C2CD4B: variants seen among roughly 807,000 people sequenced by gnomAD.
C2CD4B encodes the protein C2 calcium-dependent domain-containing protein 4B.
For synonymous variants in C2CD4B, 347 were observed against 284.9 expected (o/e 1.22, Z -2.20); for missense variants, 644 against 577.7 (o/e 1.11, Z -1.18).
rs1487568536 is a variant in C2CD4B, at chr15:62,163,817, C to T, written c.*73G>A. 3.8e-5 allele frequency: 52 copies of T among 1,381,096 alleles called. No homozygotes were observed. Among genetic ancestry groups the T allele is most frequent in the Non-Finnish European group, 4.6e-5 (49 of 1,070,264 alleles). The allele number at this position is 1,381,096 out of a possible 1,614,324, so 85.6% of individuals were successfully genotyped here. A position where few individuals can be genotyped will look rare whatever the true frequency, so the allele number is the denominator to read the frequency against. On this transcript the variant is annotated 3_prime_UTR_variant, in exon 2 of 2. Transcript: ENST00000380392. ...GTATCATAAATAAAAAAATAAATAA[C>T]GTTTATTCTGTACCACGCGGCTGTC...
Position 62,164,904 on chromosome 15 carries a change from C to T in C2CD4B, c.81G>A (p.Pro27=), listed in dbSNP as rs774014654. The change falls in exon 2 of 2, where the codon CCG becomes CCA. Residue 27 remains proline, a synonymous_variant. Coordinates refer to ENST00000380392, the MANE Select transcript of C2CD4B (RefSeq NM_001007595.3). ...PKPAFAKVLT[P]NRIPEFCIPP... is the part of the protein sequence containing the mutation. ...GGATGCAGAATTCGGGGATGCGATT[C>T]GGCGTGAGCACTTTGGCGAAGGCGG... The T allele has an allele frequency of 7.2e-6, 11 of 1,532,458 alleles. No individual in the cohort carries two copies. The highest frequency in any genetic ancestry group is 2.0e-5 in the Admixed American group (1 of 49,818). 94.9% of individuals were successfully genotyped at this position (1,532,458 alleles called of 1,614,324 possible).
chr15:62,165,122 C>A (rs941877822), intron 1 of C2CD4B, 73 bp downstream of exon 1: 14 of 1,060,342 alleles, frequency 1.3e-5, no homozygotes, highest in South Asian at 3.5e-5. Flanking sequence ...ACGTCCCCCA[C>A]GTGTTTAAGA....
rs759750643 is a variant in C2CD4B at position 62,164,439 on chromosome 15, C to T, written c.546G>A (p.Gly182=). ...RRCRLLRVPD[G]LLSRALRAGR... ...CAGCCCGCAGCGCGCGACTCAGCAG[C>T]CCGTCGGGGACGCGCAGGAGGCGGC... Residue 182 remains glycine, a synonymous_variant, in exon 2 of 2, where the codon GGG becomes GGA. Transcript: ENST00000380392. 5 of 1,339,794 alleles carry T rather than the reference C, an allele frequency of 3.7e-6. No individual in the cohort carries two copies. The highest frequency in any genetic ancestry group is 6.2e-5 in the East Asian group (2 of 32,280). 83.0% of individuals were successfully genotyped at this position (1,339,794 alleles called of 1,614,324 possible). A position where few individuals can be genotyped will look rare whatever the true frequency, so the allele number is the denominator to read the frequency against.
Position 62,164,658 on chromosome 15 carries a change from C to T in C2CD4B, c.327G>A (p.Thr109=), listed in dbSNP as rs1367175468. Reference sequence around the variant, plus strand: ...CGAGCAGGAGCGACTCCTTGCGGCGCGTGTGCGGGCTCTCGAGCAGCGCGC... The same window carrying T: ...CGAGCAGGAGCGACTCCTTGCGGCGTGTGTGCGGGCTCTCGAGCAGCGCGC... The part of the protein sequence containing the change: ...GFCALLESPH[T]RRKESLLLGG... Residue 109 remains threonine (T), a synonymous_variant, in exon 2 of 2, where the codon ACG becomes ACA. Transcript: ENST00000380392. 3 of 1,430,204 alleles carry T rather than the reference C, an allele frequency of 2.1e-6. No individual in the cohort carries two copies. The highest frequency in any genetic ancestry group is 3.0e-5 in the African/African-American group (2 of 67,492). 88.6% of individuals were successfully genotyped at this position (1,430,204 alleles called of 1,614,324 possible). A position where few individuals can be genotyped will look rare whatever the true frequency, so the allele number is the denominator to read the frequency against.
In C2CD4B at chr15:62,164,137, CG is replaced by C; in HGVS notation, c.847del (p.Arg283AlafsTer99). 6.9e-7 allele frequency: 1 copy of C among 1,457,006 alleles called. No homozygotes were observed. Among genetic ancestry groups the C allele is most frequent in the Non-Finnish European group, 9.0e-7 (1 of 1,114,722 alleles). The allele number at this position is 1,457,006 out of a possible 1,614,324, so 90.3% of individuals were successfully genotyped here. On this transcript the variant is annotated frameshift_variant, in exon 2 of 2. Transcript: ENST00000380392. LOFTEE classifies it low-confidence loss of function (END_TRUNC). ...ESLFGGAPGP[R>X]AVRCRLSLVL... ...GAGGCTGAGGCGGCAGCGGACGGCGCGGGGCCCGGGGGCGCCTCCGAACAGG... is the reference window on the plus strand; with the variant it reads ...GAGGCTGAGGCGGCAGCGGACGGCGCGGGCCCGGGGGCGCCTCCGAACAGG...
In C2CD4B at chr15:62,164,178, C is replaced by G. The variant is rs778686629; in HGVS notation, c.807G>C (p.Leu269=). ...CTCCGAACAGGCTCTCCGCGCGGAG[C>G]AGCCGGAGGCGGAGACGCCGGGTTC... The part of the protein sequence containing the change: ...CPGTRRLRLR[L]LRAESLFGGA... Residue 269 remains leucine (L), a synonymous_variant, in exon 2 of 2, where the codon CTG becomes CTC. Transcript: ENST00000380392. 30 of 1,472,560 alleles carry G rather than the reference C, an allele frequency of 2.0e-5. 1 individual carries two copies. The South Asian group carries it at 3.3e-4, about 16-fold the overall frequency. The allele number at this position is 1,472,560 out of a possible 1,614,324, so 91.2% of individuals were successfully genotyped here. A position where few individuals can be genotyped will look rare whatever the true frequency, so the allele number is the denominator to read the frequency against.
At chr15:62,165,069 G>A (rs976175505) in intron 1 of C2CD4B, 45 bp from the exon 2 acceptor site, 16 of 1,414,222 alleles carry the variant, frequency 1.1e-5, no homozygotes, top group African/African-American at 4.5e-5. Flanking sequence ...TGGAGCTGCT[G>A]CAGCCCCTCG....
rs2049591553 is a variant in C2CD4B at position 62,164,567 on chromosome 15, G to T, written c.418C>A (p.Leu140Met). 1 of 1,183,038 alleles carries T rather than the reference G, an allele frequency of 8.5e-7. No individual in the cohort carries two copies. Among genetic ancestry groups the T allele is most frequent in the South Asian group, 4.1e-5 (1 of 24,566 alleles). The allele number at this position is 1,183,038 out of a possible 1,614,324, so 73.3% of individuals were successfully genotyped here. A position where few individuals can be genotyped will look rare whatever the true frequency, so the allele number is the denominator to read the frequency against. ...CGGGGGPDAP[L>M]GTLCGPRGPG... ...CCTCGCGGGCCGCACAGGGTCCCCA[G>T]GGGGGCGTCCGGGCCTCCGCCGCCG... The change falls in exon 2 of 2, where the codon CTG becomes ATG. Residue 140 changes from leucine (L) to methionine (M), a missense_variant. Coordinates refer to ENST00000380392, the MANE Select transcript of C2CD4B (RefSeq NM_001007595.3).
Position 62,164,007 on chromosome 15 carries a change from T to C in C2CD4B, c.978A>G (p.Glu326=), listed in dbSNP as rs1133667. ...GAACGGCCAGGCGGCGCACCTCGTCTTCCGAGAGGCCGTCGAAGCAAAAGT... is the reference window on the plus strand; with the variant it reads ...GAACGGCCAGGCGGCGCACCTCGTCCTCCGAGAGGCCGTCGAAGCAAAAGT... ...DQDFCFDGLS[E]DEVRRLAVRV... Residue 326 remains glutamate, a synonymous_variant, in exon 2 of 2, where the codon GAA becomes GAG. Transcript: ENST00000380392. 1.9e-6 allele frequency: 3 copies of C among 1,600,264 alleles called. No homozygotes were observed. Among genetic ancestry groups the C allele is most frequent in the South Asian group, 2.2e-5 (2 of 89,046 alleles).
chr15:62,163,998 C>CACCTCGTCTTCCGAGAGGCCGTCGA lies in C2CD4B; in HGVS notation c.962_986dup (p.Leu332ProfsTer18). 6.2e-7 allele frequency: 1 copy of CACCTCGTCTTCCGAGAGGCCGTCGA among 1,600,784 alleles called. No individual in the cohort carries two copies. On this transcript the variant is annotated frameshift_variant, in exon 2 of 2. Transcript: ENST00000380392. LOFTEE classifies it low-confidence loss of function (END_TRUNC). Reference sequence around the variant, plus strand: ...CCTTGACGCGAACGGCCAGGCGGCGCACCTCGTCTTCCGAGAGGCCGTCGA... The same window carrying CACCTCGTCTTCCGAGAGGCCGTCGA: ...CCTTGACGCGAACGGCCAGGCGGCGCACCTCGTCTTCCGAGAGGCCGTCGAACCTCGTCTTCCGAGAGGCCGTCGA...
chr15:62,164,913 C>T lies in C2CD4B; in HGVS notation c.72G>A (p.Val24=). The change falls in exon 2 of 2, where the codon GTG becomes GTA. Residue 24 remains valine (V), a synonymous_variant. Coordinates refer to ENST00000380392, the MANE Select transcript of C2CD4B (RefSeq NM_001007595.3). ...SSAPKPAFAK[V]LTPNRIPEFC... is the part of the protein sequence containing the mutation. ...ATTCGGGGATGCGATTCGGCGTGAGCACTTTGGCGAAGGCGGGCTTCGGCG... is the reference window on the plus strand; with the variant it reads ...ATTCGGGGATGCGATTCGGCGTGAGTACTTTGGCGAAGGCGGGCTTCGGCG... 1.3e-6 allele frequency: 2 copies of T among 1,537,972 alleles called. No individual in the cohort carries two copies. The highest frequency in any genetic ancestry group is 1.2e-5 in the South Asian group (1 of 83,924).
Position 62,164,489 on chromosome 15 carries a change from CG to C in C2CD4B, c.495del (p.Asp165GlufsTer20). 3.2e-6 allele frequency: 4 copies of C among 1,235,600 alleles called. No homozygotes were observed. Among genetic ancestry groups the C allele is most frequent in the Non-Finnish European group, 4.0e-6 (4 of 992,988 alleles). The allele number at this position is 1,235,600 out of a possible 1,614,324, so 76.5% of individuals were successfully genotyped here. ...CAGCGGCGGGGCCCCGCAGCGAGCG[CG>C]TCCTGGGGCAGGCGGGGACCGCCGG... ...AAPGGPRLPQ[D>X]ALAAGPRRCR... is the part of the protein sequence containing the mutation. On this transcript the variant is annotated frameshift_variant, in exon 2 of 2. Coordinates refer to ENST00000380392, the MANE Select transcript of C2CD4B (RefSeq NM_001007595.3). LOFTEE classifies it low-confidence loss of function (END_TRUNC).
rs1246504349 is a variant in C2CD4B at position 62,164,437 on chromosome 15, A to T, written c.548T>A (p.Leu183Gln). The T allele has an allele frequency of 5.2e-6, 7 of 1,345,408 alleles. No homozygotes were observed. Among genetic ancestry groups the T allele is most frequent in the Non-Finnish European group, 6.6e-6 (7 of 1,054,452 alleles). The allele number at this position is 1,345,408 out of a possible 1,614,324, so 83.3% of individuals were successfully genotyped here. A position where few individuals can be genotyped will look rare whatever the true frequency, so the allele number is the denominator to read the frequency against. Residue 183 changes from leucine (L) to glutamine (Q), a missense_variant, in exon 2 of 2, where the codon CTG becomes CAG. Coordinates refer to ENST00000380392, the MANE Select transcript of C2CD4B (RefSeq NM_001007595.3). ...TCCAGCCCGCAGCGCGCGACTCAGC[A>T]GCCCGTCGGGGACGCGCAGGAGGCG... ...RCRLLRVPDG[L>Q]LSRALRAGRS...
Position 62,164,508 on chromosome 15 carries a change from A to G in C2CD4B, c.477T>C (p.Gly159=), listed in dbSNP as rs1034715540. ...PGPATPAAPG[G]PRLPQDALAA... Reference sequence around the variant, plus strand: ...CGAGCGCGTCCTGGGGCAGGCGGGGACCGCCGGGGGCCGCGGGGGTGGCCG... The same window carrying G: ...CGAGCGCGTCCTGGGGCAGGCGGGGGCCGCCGGGGGCCGCGGGGGTGGCCG... The change falls in exon 2 of 2, where the codon GGT becomes GGC. Residue 159 remains glycine, a synonymous_variant. Coordinates refer to ENST00000380392, the MANE Select transcript of C2CD4B (RefSeq NM_001007595.3). The G allele has an allele frequency of 8.4e-7, 1 of 1,191,732 alleles. No individual in the cohort carries two copies. Among genetic ancestry groups the G allele is most frequent in the Non-Finnish European group, 1.0e-6 (1 of 964,472 alleles). 73.8% of individuals were successfully genotyped at this position (1,191,732 alleles called of 1,614,324 possible).
Position 62,164,502 on chromosome 15 carries a change from G to A in C2CD4B, c.483C>T (p.Arg161=). Residue 161 remains arginine (R), a synonymous_variant, in exon 2 of 2, where the codon CGC becomes CGT. Coordinates refer to ENST00000380392, the MANE Select transcript of C2CD4B (RefSeq NM_001007595.3). ...CCGCAGCGAGCGCGTCCTGGGGCAG[G>A]CGGGGACCGCCGGGGGCCGCGGGGG... The part of the protein sequence containing the change: ...PATPAAPGGP[R]LPQDALAAGP... 1 of 1,202,832 alleles carries A rather than the reference G, an allele frequency of 8.3e-7. No homozygotes were observed. Among genetic ancestry groups the A allele is most frequent in the Admixed American group, 4.5e-5 (1 of 22,294 alleles). 74.5% of individuals were successfully genotyped at this position (1,202,832 alleles called of 1,614,324 possible). A position where few individuals can be genotyped will look rare whatever the true frequency, so the allele number is the denominator to read the frequency against.
chr15:62,163,785 T>A lies in C2CD4B; in HGVS notation c.*105A>T. The stretch of plus-strand genomic sequence containing the variant: ...GGATGGTGAGGAAGTAAAACGTCAA[T>A]AAAGCAGTATCATAAATAAAAAAAT... On this transcript the variant is annotated 3_prime_UTR_variant, in exon 2 of 2. Coordinates refer to ENST00000380392, the MANE Select transcript of C2CD4B (RefSeq NM_001007595.3). 1 of 1,321,646 alleles carries A rather than the reference T, an allele frequency of 7.6e-7. No homozygotes were observed. The highest frequency in any genetic ancestry group is 9.7e-7 in the Non-Finnish European group (1 of 1,029,950). 81.9% of individuals were successfully genotyped at this position (1,321,646 alleles called of 1,614,324 possible).
Position 62,163,711 on chromosome 15 carries a change from C to T in C2CD4B, c.*179G>A, listed in dbSNP as rs1182187359. 4.2e-6 allele frequency: 4 copies of T among 946,594 alleles called. No homozygotes were observed. The highest frequency in any genetic ancestry group is 5.7e-6 in the Non-Finnish European group (4 of 698,900). 58.6% of individuals were successfully genotyped at this position (946,594 alleles called of 1,614,324 possible). On this transcript the variant is annotated 3_prime_UTR_variant, in exon 2 of 2. Coordinates refer to ENST00000380392, the MANE Select transcript of C2CD4B (RefSeq NM_001007595.3). ...AGATATGGGGGTCCTGTGAACAGAA[C>T]AGGGAGTCATTATCTTTTTCTTCTT...
At position 62,163,726 on chromosome 15, in the gene C2CD4B, T is replaced by G; in HGVS notation, c.*164A>C. 1 of 1,061,816 alleles carries G rather than the reference T, an allele frequency of 9.4e-7. No homozygotes were observed. The allele number at this position is 1,061,816 out of a possible 1,614,324, so 65.8% of individuals were successfully genotyped here. ...GTGAACAGAACAGGGAGTCATTATC[T>G]TTTTCTTCTTTACCAATAGACGATG... On this transcript the variant is annotated 3_prime_UTR_variant, in exon 2 of 2. Coordinates refer to ENST00000380392, the MANE Select transcript of C2CD4B (RefSeq NM_001007595.3).
At chr15:62,165,059 T>C in intron 1 of C2CD4B, 35 bp from the exon 2 acceptor site, 1 of 1,429,598 alleles carries the variant, frequency 7.0e-7, no homozygotes, top group Admixed American at 2.7e-5. Context: ...TTTGGGCGCC[T>C]GGAGCTGCTG....
Sources: allele counts gnomAD v4.1 joint callset, GRCh38; gene constraint gnomAD v4.1.1; transcripts MANE v1.5; gene names NCBI Gene and HGNC (gene_info 2026-07-23, HGNC 2026-07-21).